The following DIP2C variants were observed in gnomAD, a reference collection of about 807,000 sequenced individuals.
DIP2C encodes disco-interacting protein 2 homolog C.
A neutral mutation model predicts 192.4 loss-of-function variants in DIP2C; 33 were observed. The observed-to-expected ratio is 0.17, with a 90% CI of 0.13 to 0.23. The LOEUF (loss-of-function observed/expected upper bound fraction) is 0.23, where lower values mean the gene tolerates loss of function less well. Ranked by LOEUF, DIP2C falls within the 10% of genes least tolerant of loss-of-function variation. The probability of loss-of-function intolerance (pLI) is 1.00; values close to 1 mark genes in which losing one functional copy is unlikely to be tolerated. For synonymous variants in DIP2C, 979 were observed against 864.1 expected, an observed-to-expected ratio of 1.13 and a Z score of -2.33; for missense variants, 1,537 against 2,110.1, an observed-to-expected ratio of 0.73 and a Z score of 5.32.
intron 3 of DIP2C, among the ~76,000 whole-genome samples, chr10:465,452 G>T (rs375352201): frequency 3.9e-5 from 6 of 152,058 alleles, no homozygotes; most frequent in East Asian, 3.9e-4. Flanking sequence ...GCATAAACTG[G>T]AAGCATTCCC....
chr10:434,920 A>T (rs976423924), intron 4 of DIP2C, among the ~76,000 whole-genome samples: 8 of 152,168 alleles, frequency 5.3e-5, no homozygotes, highest in African/African-American at 1.7e-4. Context: ...GATTCGCCGT[A>T]GTTTGAAAAT....
chr10:413,763 G>C (rs1192696928), intron 8 of DIP2C, 150 bp downstream of exon 8: 1 of 935,078 alleles, frequency 1.1e-6, no homozygotes, highest in Non-Finnish European at 1.6e-6. Flanking sequence ...CGTGCGTTCG[G>C]GAGTGGCTGC....
intron 2 of DIP2C, among the ~76,000 whole-genome samples, chr10:477,344 G>A (rs200218088): frequency 0.5 from 2 of 4 alleles, no homozygotes; most frequent in Non-Finnish European, 0.5. Flanking sequence ...GGAGGGGAGG[G>A]AGGGGAGGAA....
intron 7 of DIP2C, among the ~76,000 whole-genome samples, chr10:415,493 T>C (rs1325154015): frequency 6.6e-6 from 1 of 152,152 alleles, no homozygotes; most frequent in Non-Finnish European, 1.5e-5. Context: ...ACTTTACTTG[T>C]ATTTCTATAC....
chr10:581,103 T>C (rs1361607286), intron 1 of DIP2C, among the ~76,000 whole-genome samples: 1 of 152,216 alleles, frequency 6.6e-6, no homozygotes, highest in South Asian at 2.1e-4. Flanking sequence ...CTAGGAGCGA[T>C]GTCTGGCAGA....
intron 4 of DIP2C, among the ~76,000 whole-genome samples, chr10:430,939 T>C (rs546696529): frequency 2.6e-5 from 4 of 152,364 alleles, no homozygotes; most frequent in African/African-American, 9.6e-5. Flanking sequence ...TGCATATGGA[T>C]GTCCAGTTGT....
At chr10:399,950 C>T (rs1164111805) in intron 9 of DIP2C, among the ~76,000 whole-genome samples, 1 of 152,208 alleles carries the variant, frequency 6.6e-6, no homozygotes, top group Non-Finnish European at 1.5e-5. Flanking sequence ...AGCTCAGCCT[C>T]TCTTAAGAAC....
chr10:636,156 G>A lies in DIP2C; in HGVS notation c.85+53338C>T, dbSNP rs906869891. ...TTTATCACAAGGAAAACTAGGTGGT[G>A]AACCCAGGAGGAGGAAATCCCCACA... On this transcript the variant is annotated intron_variant, in intron 1 of 36. Transcript: ENST00000280886. This position sits in a 1 kb window ranked among gnomAD's most constrained non-coding sequence, Gnocchi z 4.6. Among the ~76,000 whole-genome samples the A allele has an allele frequency of 3.9e-5, 6 of 152,200 alleles. No homozygotes were observed. Among genetic ancestry groups the A allele is most frequent in the Non-Finnish European group, 8.8e-5 (6 of 68,040 alleles).
intron 1 of DIP2C, among the ~76,000 whole-genome samples, chr10:647,883 G>A (rs796876040): frequency 9.5e-5 from 14 of 148,016 alleles, no homozygotes; most frequent in East Asian, 4.2e-4. Flanking sequence ...CTGAGTCCAC[G>A]TCGACATTGG....
intron 2 of DIP2C, among the ~76,000 whole-genome samples, chr10:475,828 C>T (rs1468158663): frequency 6.6e-6 from 1 of 152,234 alleles, no homozygotes; most frequent in Non-Finnish European, 1.5e-5. Context: ...CGTCGCTCAA[C>T]TGGATTCCAG....
chr10:478,769 G>A (rs551944300), intron 2 of DIP2C, among the ~76,000 whole-genome samples: 5 of 148,202 alleles, frequency 3.4e-5, no homozygotes, highest in South Asian at 2.2e-4. Flanking sequence ...CACTCATCGC[G>A]TGTCCAGGCG....
intron 19 of DIP2C, chr10:364,818 C>T: frequency 1.6e-6 from 1 of 623,470 alleles, no homozygotes; most frequent in Admixed American, 2.7e-5. Flanking sequence ...CACTCACCTG[C>T]TGGAGCCTCC....
At chr10:472,571 AGAGT>A (rs756273244) in intron 2 of DIP2C, 22 bp from the exon 3 acceptor site, 1 of 1,595,510 alleles carries the variant, frequency 6.3e-7, no homozygotes, top group South Asian at 1.1e-5. Flanking sequence ...TAAAAACAGC[AGAGT>A]GAGGTGTGAC....
chr10:493,586 C>T (rs1844607258), intron 1 of DIP2C, among the ~76,000 whole-genome samples: 2 of 152,140 alleles, frequency 1.3e-5, no homozygotes, highest in South Asian at 2.1e-4. Flanking sequence ...AGATGGCCGC[C>T]GTGGGCCTCA....
intron 32 of DIP2C, among the ~76,000 whole-genome samples, chr10:307,669 C>T (rs960593432): frequency 1.3e-5 from 2 of 152,086 alleles, no homozygotes; most frequent in South Asian, 2.1e-4. Flanking sequence ...AAAGAGAGAA[C>T]ATCGCGGAGA....
At chr10:430,267 T>C (rs899876913) in intron 4 of DIP2C, 20 of 152,328 alleles carry the variant, frequency 1.3e-4, no homozygotes, top group Admixed American at 1.2e-3. Context: ...TGTTGCCGAG[T>C]CTGGAGCACA....
intron 32 of DIP2C, among the ~76,000 whole-genome samples, chr10:301,350 G>T (rs889271698): frequency 6.6e-6 from 1 of 152,228 alleles, no homozygotes; most frequent in Non-Finnish European, 1.5e-5. Context: ...GTCAGAGGGA[G>T]GGGATGCTGG....
intron 1 of DIP2C, among the ~76,000 whole-genome samples, chr10:500,515 A>T (rs1252064657): frequency 6.6e-6 from 1 of 152,258 alleles, no homozygotes; most frequent in Non-Finnish European, 1.5e-5. Context: ...ATTATCCTGA[A>T]CTTTATTTCC....
At chr10:580,692 T>C (rs1228554885) in intron 1 of DIP2C, among the ~76,000 whole-genome samples, 1 of 152,066 alleles carries the variant, frequency 6.6e-6, no homozygotes, top group East Asian at 1.9e-4. Context: ...GAACAGGCCA[T>C]GAATATTAAC....
Sources: gnomAD v4.1 joint callset for allele counts (sites outside exome capture counted in the v4.1 genomes callset) on GRCh38, gnomAD v4.1.1 for gene constraint, Gnocchi (gnomAD v3.1) non-coding constraint, MANE v1.5 for transcripts, NCBI Gene and HGNC (gene_info 2026-07-23, HGNC 2026-07-21) for gene names.